The following TAFA5 variants were observed in gnomAD, a reference collection of about 807,000 sequenced individuals.
TAFA5 encodes the protein chemokine-like protein TAFA-5.
TAFA5 carries 6 observed loss-of-function variants against 15.3 expected under a neutral mutation model. That is an observed-to-expected ratio of 0.39 (90% confidence interval 0.21 to 0.77). The LOEUF (loss-of-function observed/expected upper bound fraction) is 0.77. Among genes scored for constraint, TAFA5 ranks in the 30% least tolerant of loss-of-function variants. The pLI is 0.41. For synonymous variants in TAFA5, 103 were observed against 80.7 expected (o/e 1.28, Z -1.48); for missense variants, 161 against 193.1 (o/e 0.83, Z 0.98).
intron 1 of TAFA5, among the ~76,000 whole-genome samples, chr22:48,592,595 C>T (rs1484881389): frequency 3.3e-5 from 5 of 152,146 alleles, no homozygotes; most frequent in African/African-American, 1.2e-4. Context: ...CTTTTCATCT[C>T]TGGGGCGCAC....
chr22:48,609,428 G>A (rs1239077146), intron 1 of TAFA5, among the ~76,000 whole-genome samples: 1 of 152,154 alleles, frequency 6.6e-6, no homozygotes, highest in Non-Finnish European at 1.5e-5. Context: ...GCCATGCGTT[G>A]TCTGTGGTGT....
chr22:48,507,913 C>CCCTGG (rs1171103143), intron 1 of TAFA5, among the ~76,000 whole-genome samples: 1 of 152,178 alleles, frequency 6.6e-6, no homozygotes, highest in African/African-American at 2.4e-5. Flanking sequence ...CCATCTGCAG[C>CCCTGG]CCTGGCCTGG....
At chr22:48,674,685 C>T (rs1305814743) in intron 2 of TAFA5, among the ~76,000 whole-genome samples, 1 of 151,362 alleles carries the variant, frequency 6.6e-6, no homozygotes, top group African/African-American at 2.4e-5. Flanking sequence ...ACACCCCCCA[C>T]AGAAGGAGCC....
In TAFA5 at chr22:48,751,040, G is replaced by C. The variant is rs888735483; in HGVS notation, c.*1193G>C. On this transcript the variant is annotated 3_prime_UTR_variant, in exon 4 of 4. Coordinates refer to ENST00000402357, the MANE Select transcript of TAFA5 (RefSeq NM_001082967.3). Reference sequence around the variant, plus strand: ...GGAGAAGCGTGCGGAGGACCGTGGCGTCGGCGTCCCGGATGTGTCGGTCGT... The same window carrying C: ...GGAGAAGCGTGCGGAGGACCGTGGCCTCGGCGTCCCGGATGTGTCGGTCGT... The C allele has an allele frequency of 2.6e-5, 4 of 152,330 alleles. No individual in the cohort carries two copies. The South Asian group carries it at 8.3e-4, about 31-fold the overall frequency. The allele number at this position is 152,330 out of a possible 1,614,324, so 9.4% of individuals were successfully genotyped here. A position where few individuals can be genotyped will look rare whatever the true frequency, so the allele number is the denominator to read the frequency against.
chr22:48,749,099 G>C (rs745374008), intron 3 of TAFA5, among the ~76,000 whole-genome samples: 1 of 152,180 alleles, frequency 6.6e-6, no homozygotes, highest in Non-Finnish European at 1.5e-5. Context: ...CATGGGGACC[G>C]TGTGAGGATG....
chr22:48,710,499 C>T (rs1929217319), intron 3 of TAFA5, among the ~76,000 whole-genome samples: 3 of 152,172 alleles, frequency 2.0e-5, no homozygotes, highest in African/African-American at 7.2e-5. Context: ...AGAGCCAGAC[C>T]AGGGCCACCC....
At chr22:48,748,791 C>T (rs1249660005) in intron 3 of TAFA5, among the ~76,000 whole-genome samples, 1 of 152,210 alleles carries the variant, frequency 6.6e-6, no homozygotes, top group African/African-American at 2.4e-5. Context: ...GCGAGACCCT[C>T]ATCATCACCG....
In TAFA5 at chr22:48,677,009, C is replaced by G. The variant is rs56893226; in HGVS notation, c.262+30263C>G. The stretch of plus-strand genomic sequence containing the variant: ...CCTCTGCCCTGCAGAAGACTCTGCT[C>G]TCTCGTGGAGGACGCCCCTGCCTGG... On this transcript the variant is annotated intron_variant, in intron 2 of 3. Transcript: ENST00000402357. 3.3e-3 allele frequency among the ~76,000 whole-genome samples: 501 copies of G among 152,346 alleles called. 3 individuals carry two copies. Among genetic ancestry groups the G allele is most frequent in the African/African-American group, 0.012 (483 of 41,588 alleles).
intron 1 of TAFA5, among the ~76,000 whole-genome samples, chr22:48,633,277 T>A (rs184788058): frequency 6.6e-6 from 1 of 151,850 alleles, no homozygotes; most frequent in Non-Finnish European, 1.5e-5. Context: ...GCAGGGAGAG[T>A]GTTCCAGCAT....
At chr22:48,693,527 C>A in intron 2 of TAFA5, 1 of 1,460,760 alleles carries the variant, frequency 6.8e-7, no homozygotes, top group Non-Finnish European at 9.2e-7. Flanking sequence ...AGGTGAGGCC[C>A]GCAGGAGGGG....
intron 2 of TAFA5, among the ~76,000 whole-genome samples, chr22:48,672,443 T>G (rs1009663368): frequency 5.9e-5 from 9 of 152,232 alleles, no homozygotes; most frequent in African/African-American, 2.2e-4. Flanking sequence ...TCCATTTTCC[T>G]TACATTTATC....
intron 1 of TAFA5, among the ~76,000 whole-genome samples, chr22:48,577,124 C>T (rs1419739684): frequency 6.6e-6 from 1 of 152,240 alleles, no homozygotes; most frequent in East Asian, 1.9e-4. Flanking sequence ...CCGGGGTGCG[C>T]AGGTCCCCGC....
chr22:48,730,261 A>G (rs981030030), intron 3 of TAFA5, among the ~76,000 whole-genome samples: 1 of 152,096 alleles, frequency 6.6e-6, no homozygotes, highest in African/African-American at 2.4e-5. Context: ...GCACGTGCCT[A>G]TAGTCCCAGC....
In TAFA5 at chr22:48,566,220, G is replaced by T. The variant is rs1923403848; in HGVS notation, c.112+76516G>T. Among the ~76,000 whole-genome samples, 1 of 151,416 alleles carries T rather than the reference G, an allele frequency of 6.6e-6. No homozygotes were observed. The highest frequency in any genetic ancestry group is 2.4e-5 in the African/African-American group (1 of 41,272). On this transcript the variant is annotated intron_variant, in intron 1 of 3. Coordinates refer to ENST00000402357, the MANE Select transcript of TAFA5 (RefSeq NM_001082967.3). This position sits in a 1 kb window ranked among gnomAD's most constrained non-coding sequence, Gnocchi z 4.5. ...GTGGATGGTGGATGATGGGTGGATG[G>T]TAGGTAGATGGATGATGGGTGGATG...
At chr22:48,702,572 T>A (rs2147247313) in intron 2 of TAFA5, among the ~76,000 whole-genome samples, 1 of 148,360 alleles carries the variant, frequency 6.7e-6, no homozygotes, top group Non-Finnish European at 1.5e-5. Flanking sequence ...CCTTTACCTG[T>A]CGTGTGCTCA....
chr22:48,547,593 C>T (rs990057967), intron 1 of TAFA5, among the ~76,000 whole-genome samples: 4 of 152,230 alleles, frequency 2.6e-5, no homozygotes, highest in African/African-American at 7.2e-5. Flanking sequence ...GAGAGCCGCT[C>T]GTGTTCAGGG....
At chr22:48,513,467 C>G (rs568987092) in intron 1 of TAFA5, among the ~76,000 whole-genome samples, 1 of 152,186 alleles carries the variant, frequency 6.6e-6, no homozygotes, top group Non-Finnish European at 1.5e-5. Flanking sequence ...AGAGCCCCCC[C>G]AATAGAAGGA....
intron 3 of TAFA5, among the ~76,000 whole-genome samples, chr22:48,732,244 GT>G (rs2147267720): frequency 1.1e-5 from 1 of 90,450 alleles, no homozygotes; most frequent in Admixed American, 1.2e-4. Flanking sequence ...ATGAAAGTGG[GT>G]TTTTTTGTTG....
At chr22:48,563,414 A>G (rs1249480119) in intron 1 of TAFA5, among the ~76,000 whole-genome samples, 1 of 152,068 alleles carries the variant, frequency 6.6e-6, no homozygotes, top group African/African-American at 2.4e-5. Flanking sequence ...GGCAGTGTGG[A>G]GGCTGGGCCC....
Sources: allele counts gnomAD v4.1 joint callset (sites outside exome capture counted in the v4.1 genomes callset), GRCh38; gene constraint gnomAD v4.1.1; non-coding constraint Gnocchi (gnomAD v3.1); transcripts MANE v1.5; gene names NCBI Gene and HGNC (gene_info 2026-07-23, HGNC 2026-07-21).